Variants in NSRP1 observed in about 807,000 individuals in gnomAD.
The protein encoded by NSRP1 is coiled-coil domain containing 55.
NSRP1 carries 24 observed loss-of-function variants against 54.7 expected under a neutral mutation model. That is an observed-to-expected ratio of 0.44 (90% CI 0.32 to 0.62). NSRP1 has a LOEUF of 0.62. NSRP1 is among the 20% of genes least tolerant of loss of function. NSRP1 has a pLI of 0.06. For missense variants in NSRP1, 596 were observed against 651.2 expected (o/e 0.92, Z 0.92); for synonymous variants, 210 against 213.8 (o/e 0.98, Z 0.15).
rs78687594 is a variant in NSRP1 at position 30,165,333 on chromosome 17, A to T, written c.115-7209A>T. Among the ~76,000 whole-genome samples, 911 of 152,304 alleles carry T rather than the reference A, an allele frequency of 6.0e-3. 4 individuals are homozygous for T. Among genetic ancestry groups the T allele is most frequent in the African/African-American group, 0.021 (877 of 41,566 alleles). ...CATGCACAGATGTGTATGTGTAAAA[A>T]TGGTGAAATCTGAATAAGCAGTGTG... On this transcript the variant is annotated intron_variant, in intron 2 of 6. Coordinates refer to ENST00000247026, the MANE Select transcript of NSRP1 (RefSeq NM_032141.4).
At chr17:30,174,208 C>G (rs759015130) in intron 3 of NSRP1, among the ~76,000 whole-genome samples, 16 of 152,046 alleles carry the variant, frequency 1.1e-4, no homozygotes, top group South Asian at 2.1e-4. Flanking sequence ...TTATTCTTAA[C>G]TCTGTCTTGT....
chr17:30,179,150 A>C lies in NSRP1; in HGVS notation c.361A>C (p.Arg121=). ...VEIRKKEQEK[R]MEKKIQRERE... is the part of the protein sequence containing the mutation. The stretch of plus-strand genomic sequence containing the variant: ...GATCAGAAAAAAGGAACAGGAAAAA[A>C]GAATGGAAAAGAAAATACAGAGAGA... The change falls in exon 5 of 7, where the codon AGA becomes CGA. Residue 121 remains arginine, a synonymous_variant. Coordinates refer to ENST00000247026, the MANE Select transcript of NSRP1 (RefSeq NM_032141.4). The C allele has an allele frequency of 2.5e-6, 4 of 1,604,994 alleles. No individual in the cohort carries two copies. The highest frequency in any genetic ancestry group is 2.2e-5 in the East Asian group (1 of 44,748).
chr17:30,172,014 T>TCTCTCTCTCACG (rs144705088), intron 2 of NSRP1, among the ~76,000 whole-genome samples: 1 of 131,056 alleles, frequency 7.6e-6, no homozygotes, highest in Non-Finnish European at 1.6e-5. Context: ...TCTCTCTCTC[T>TCTCTCTCTCACG]CACATGTTCA....
intron 2 of NSRP1, among the ~76,000 whole-genome samples, chr17:30,153,707 A>G (rs927308498): frequency 2.6e-5 from 4 of 152,148 alleles, no homozygotes; most frequent in African/African-American, 9.7e-5. Flanking sequence ...ACTAGATGCA[A>G]CAGGCCACAT....
At chr17:30,146,884 C>G (rs2071860652) in intron 2 of NSRP1, among the ~76,000 whole-genome samples, 1 of 152,228 alleles carries the variant, frequency 6.6e-6, no homozygotes, top group Non-Finnish European at 1.5e-5. Context: ...AGCCACCACA[C>G]CTGAGCCTAA....
chr17:30,132,981 T>G (rs73274879), intron 2 of NSRP1, among the ~76,000 whole-genome samples: 2,413 of 152,262 alleles, frequency 0.016, 66 homozygotes, highest in African/African-American at 0.054. Flanking sequence ...GCTTTGTCAC[T>G]CTGGCTGGAG....
At chr17:30,143,461 T>C (rs1160643864) in intron 2 of NSRP1, among the ~76,000 whole-genome samples, 2 of 152,180 alleles carry the variant, frequency 1.3e-5, no homozygotes, top group Non-Finnish European at 2.9e-5. Context: ...ACACCTGACT[T>C]GGTCATTGTG....
At chr17:30,156,166 A>G (rs1454501986) in intron 2 of NSRP1, among the ~76,000 whole-genome samples, 1 of 132,948 alleles carries the variant, frequency 7.5e-6, no homozygotes, top group East Asian at 2.2e-4. Flanking sequence ...TATTTTGACT[A>G]TATTTTCCAT....
chr17:30,125,471 T>C (rs1819280245), intron 2 of NSRP1, among the ~76,000 whole-genome samples: 1 of 152,174 alleles, frequency 6.6e-6, no homozygotes, highest in Non-Finnish European at 1.5e-5. Context: ...ACATGAATTG[T>C]TTTCATTTTG....
At chr17:30,123,787 A>G (rs867092363) in intron 2 of NSRP1, among the ~76,000 whole-genome samples, 5 of 152,202 alleles carry the variant, frequency 3.3e-5, no homozygotes, top group Middle Eastern at 6.8e-3. Context: ...ATGGATATCC[A>G]GTTGTCCCAG....
At chr17:30,150,176 G>A (rs1239784662) in intron 2 of NSRP1, 3 of 151,886 alleles carry the variant, frequency 2.0e-5, no homozygotes, top group African/African-American at 4.8e-5. Context: ...TGCCTCCCGG[G>A]TTCAAGCAGT....
chr17:30,178,838 G>T (rs1322161139), intron 4 of NSRP1, among the ~76,000 whole-genome samples: 2 of 151,428 alleles, frequency 1.3e-5, no homozygotes, highest in Non-Finnish European at 2.9e-5. Context: ...CCAGAAAAAA[G>T]AAAAAAATTA....
intron 2 of NSRP1, among the ~76,000 whole-genome samples, chr17:30,120,531 T>C (rs2071587641): frequency 6.6e-6 from 1 of 152,074 alleles, no homozygotes. Context: ...TGGTACGCTT[T>C]AACAGTTTTT....
rs147631631 is a variant in NSRP1 at position 30,155,157 on chromosome 17, T to C, written c.115-17385T>C. 6.6e-5 allele frequency among the ~76,000 whole-genome samples: 10 copies of C among 152,266 alleles called. 1 individual carries two copies. The highest frequency in any genetic ancestry group is 3.3e-4 in the Admixed American group (5 of 15,280). On this transcript the variant is annotated intron_variant, in intron 2 of 6. Transcript: ENST00000247026. ...AGTAAATGTATATATTTATGGAATATGTGAGATATTTTGGTACGGGCATGT... is the reference window on the plus strand; with the variant it reads ...AGTAAATGTATATATTTATGGAATACGTGAGATATTTTGGTACGGGCATGT...
In NSRP1 at chr17:30,117,459, A is replaced by G. The variant is rs1414361098; in HGVS notation, c.20+596A>G. The G allele has an allele frequency of 4.7e-5, 20 of 424,268 alleles. No homozygotes were observed. In the East Asian group the frequency reaches 6.6e-4, roughly 14 times the overall value. The allele number at this position is 424,268 out of a possible 1,614,324, so 26.3% of individuals were successfully genotyped here. On this transcript the variant is annotated intron_variant, in intron 1 of 6. Coordinates refer to ENST00000247026, the MANE Select transcript of NSRP1 (RefSeq NM_032141.4). ...GGCCTCCCGTGATCTCCGCATCTTAAAGGCCAAAACGTGAGAAACTAAAGG... is the reference window on the plus strand; with the variant it reads ...GGCCTCCCGTGATCTCCGCATCTTAGAGGCCAAAACGTGAGAAACTAAAGG...
chr17:30,166,049 A>G (rs1304673962), intron 2 of NSRP1, among the ~76,000 whole-genome samples: 2 of 152,164 alleles, frequency 1.3e-5, no homozygotes, highest in African/African-American at 2.4e-5. Flanking sequence ...TTGTTTAAAT[A>G]TAAGCATTTC....
intron 2 of NSRP1, among the ~76,000 whole-genome samples, chr17:30,138,444 A>G (rs903344852): frequency 3.3e-5 from 5 of 152,204 alleles, no homozygotes; most frequent in Non-Finnish European, 7.3e-5. Flanking sequence ...GTATTTGCAC[A>G]TAACCTATGC....
chr17:30,158,747 C>T (rs1904409531), intron 2 of NSRP1, among the ~76,000 whole-genome samples: 1 of 152,052 alleles, frequency 6.6e-6, no homozygotes, highest in Non-Finnish European at 1.5e-5. Flanking sequence ...GTTCTTGACA[C>T]CTTTGTTGAA....
At chr17:30,166,034 T>C (rs745597016) in intron 2 of NSRP1, among the ~76,000 whole-genome samples, 1 of 152,206 alleles carries the variant, frequency 6.6e-6, no homozygotes, top group Non-Finnish European at 1.5e-5. Flanking sequence ...TAACTTAGTT[T>C]TGATTTGTTT....
Sources: gnomAD v4.1 joint callset for allele counts (sites outside exome capture counted in the v4.1 genomes callset) on GRCh38, gnomAD v4.1.1 for gene constraint, MANE v1.5 for transcripts, NCBI Gene and HGNC (gene_info 2026-07-23, HGNC 2026-07-21) for gene names.